ASCC3: variants seen among roughly 807,000 people sequenced by gnomAD.
The protein encoded by ASCC3 is ASC-1 complex subunit P200.
In ASCC3, 158 loss-of-function variants were observed where a neutral mutation model predicts 256.3. That is an observed-to-expected ratio of 0.62 (90% CI 0.54 to 0.70). The LOEUF is 0.70. Ranked by LOEUF, ASCC3 falls within the 30% of genes least tolerant of loss-of-function variation. The pLI is 0.00. For synonymous variants in ASCC3, 948 were observed against 883.4 expected, an observed-to-expected ratio of 1.07 and a Z score of -1.30; for missense variants, 2,259 against 2,626.0, an observed-to-expected ratio of 0.86 and a Z score of 3.05.
At chr6:100,870,051 A>G (rs1170286074) in intron 1 of ASCC3, among the ~76,000 whole-genome samples, 1 of 152,172 alleles carries the variant, frequency 6.6e-6, no homozygotes, top group East Asian at 1.9e-4. Context: ...CATCAAAGTA[A>G]AAGTTTAAAT....
rs1194292149 is a variant in ASCC3, at chr6:100,644,015, A to G, written c.3732+16T>C. On this transcript the variant is annotated intron_variant, in intron 23 of 41. Coordinates refer to ENST00000369162, the MANE Select transcript of ASCC3 (RefSeq NM_006828.4). ...TACAATAGCAAATAAGGATATATTC[A>G]CATATATACACTTACTTGTTTTTTT... is the stretch of plus-strand genomic sequence containing the variant. 6.6e-7 allele frequency: 1 copy of G among 1,507,316 alleles called. No individual in the cohort carries two copies. The highest frequency in any genetic ancestry group is 1.1e-5 in the South Asian group (1 of 88,282). The allele number at this position is 1,507,316 out of a possible 1,614,324, so 93.4% of individuals were successfully genotyped here.
At chr6:100,660,216 G>C (rs1362071323) in intron 16 of ASCC3, among the ~76,000 whole-genome samples, 1 of 151,606 alleles carries the variant, frequency 6.6e-6, no homozygotes, top group Non-Finnish European at 1.5e-5. Flanking sequence ...GAGTTAAATA[G>C]ATCTGAGTTT....
At chr6:100,510,574 A>C (rs1413760760) in intron 40 of ASCC3, among the ~76,000 whole-genome samples, 1 of 152,206 alleles carries the variant, frequency 6.6e-6, no homozygotes, top group Non-Finnish European at 1.5e-5. Context: ...CTGGACCCCA[A>C]GATGATGAGT....
chr6:100,696,184 TTAAATA>T (rs1778072939), intron 13 of ASCC3, among the ~76,000 whole-genome samples: 1 of 152,164 alleles, frequency 6.6e-6, no homozygotes, highest in South Asian at 2.1e-4. Flanking sequence ...TTTTACAATA[TTAAATA>T]TAGACACATA....
rs757835563 is a variant in ASCC3, at chr6:100,725,604, C to A, written c.1837G>T (p.Val613Phe). The change falls in exon 11 of 42, where the codon GTT (valine) becomes TTT (phenylalanine). Residue 613 changes from valine (V) to phenylalanine (F), a missense_variant. By Grantham distance (50) the Val-to-Phe change is conservative (BLOSUM62 -1). This residue lies in a region of ASCC3 where 1,839 missense variants were observed against 2,206.7 expected (regional missense o/e 0.83). Coordinates refer to ENST00000369162, the MANE Select transcript of ASCC3 (RefSeq NM_006828.4). Reference protein sequence around the residue: ...QIVRLLILDEVHLLHEDRGPV... With the variant: ...QIVRLLILDEFHLLHEDRGPV... Reference sequence around the variant, plus strand: ...CCTCTATCTTCATGCAGCAAATGAACTTCATCAAGAATAAGGAGCCTTACA... The same window carrying A: ...CCTCTATCTTCATGCAGCAAATGAAATTCATCAAGAATAAGGAGCCTTACA... 8 of 1,612,724 alleles carry A rather than the reference C, an allele frequency of 5.0e-6. No homozygotes were observed. The highest frequency in any genetic ancestry group is 3.4e-6 in the Non-Finnish European group (4 of 1,179,210).
chr6:100,749,980 TC>T (rs1420250634), intron 10 of ASCC3, among the ~76,000 whole-genome samples: 1 of 151,882 alleles, frequency 6.6e-6, no homozygotes, highest in African/African-American at 2.4e-5. Context: ...TCTCTACAAT[TC>T]CTTTAATTAA....
At chr6:100,655,916 T>A in intron 16 of ASCC3, 98 bp from the exon 17 acceptor site, 1 of 1,364,258 alleles carries the variant, frequency 7.3e-7, no homozygotes, top group Non-Finnish European at 1.0e-6. Flanking sequence ...TAAAAATACA[T>A]CATTATGCAG....
chr6:100,696,879 C>A (rs1436018775), intron 13 of ASCC3, among the ~76,000 whole-genome samples: 3 of 151,952 alleles, frequency 2.0e-5, no homozygotes, highest in Non-Finnish European at 4.4e-5. Context: ...TTTAATTTGA[C>A]AATTATATAT....
chr6:100,651,741 T>C (rs1167135104), intron 18 of ASCC3, 95 bp from the exon 19 acceptor site: 2 of 601,148 alleles, frequency 3.3e-6, no homozygotes, highest in Non-Finnish European at 5.2e-6. Context: ...TAAAAGAAAT[T>C]TGAGCCCTAG....
intron 34 of ASCC3, among the ~76,000 whole-genome samples, chr6:100,599,632 T>A (rs1394475841): frequency 6.6e-6 from 1 of 152,016 alleles, no homozygotes; most frequent in Non-Finnish European, 1.5e-5. Context: ...TGTACTATTT[T>A]TTTTTTTTGC....
intron 13 of ASCC3, among the ~76,000 whole-genome samples, chr6:100,684,082 A>G (rs922331904): frequency 1.3e-5 from 2 of 152,206 alleles, no homozygotes; most frequent in African/African-American, 2.4e-5. Flanking sequence ...ATAATGATTC[A>G]GAAAACTGGA....
At chr6:100,589,884 A>G (rs1407109522) in intron 35 of ASCC3, 64 bp downstream of exon 35, 10 of 1,592,156 alleles carry the variant, frequency 6.3e-6, no homozygotes, top group Non-Finnish European at 8.6e-6. Context: ...TAGTATTAAA[A>G]GCAAAAGACC....
At chr6:100,530,982 C>T in intron 37 of ASCC3, 2 of 1,584,156 alleles carry the variant, frequency 1.3e-6, no homozygotes, top group Non-Finnish European at 1.7e-6. Flanking sequence ...GGAGCATGGC[C>T]TGTTCTTATT....
intron 13 of ASCC3, among the ~76,000 whole-genome samples, chr6:100,684,973 A>T (rs1777499134): frequency 1.3e-5 from 2 of 151,518 alleles, no homozygotes; most frequent in South Asian, 4.2e-4. Context: ...CGCCCGGCTA[A>T]TTTTTTTGTA....
chr6:100,827,875 A>G (rs975421853), intron 4 of ASCC3, among the ~76,000 whole-genome samples: 1 of 151,424 alleles, frequency 6.6e-6, no homozygotes, highest in Non-Finnish European at 1.5e-5. Flanking sequence ...TAATTTAACA[A>G]AATGGATTTT....
intron 4 of ASCC3, among the ~76,000 whole-genome samples, chr6:100,841,340 A>AT (rs1254943016): frequency 1.3e-5 from 2 of 152,054 alleles, no homozygotes; most frequent in African/African-American, 4.8e-5. Context: ...CTTGAGAAAT[A>AT]TTTTTTTAAA....
chr6:100,670,264 C>T (rs540125584), intron 14 of ASCC3, among the ~76,000 whole-genome samples: 1 of 152,034 alleles, frequency 6.6e-6, no homozygotes, highest in Non-Finnish European at 1.5e-5. Flanking sequence ...CTACCCAGTG[C>T]TGGCAAAGTT....
chr6:100,868,137 G>T, intron 1 of ASCC3, 99 bp from the exon 2 acceptor site: 1 of 682,616 alleles, frequency 1.5e-6, no homozygotes. Context: ...GGAAAAAATT[G>T]GTTAAAAAGC....
chr6:100,651,461 ATGTGCC>A, intron 19 of ASCC3, 93 bp downstream of exon 19: 1 of 481,150 alleles, frequency 2.1e-6, no homozygotes. Context: ...TCCAAATGTG[ATGTGCC>A]ATACAGCTTA....
Sources: gnomAD v4.1 joint callset for allele counts (sites outside exome capture counted in the v4.1 genomes callset) on GRCh38, gnomAD v4.1.1 for gene constraint, gnomAD v4.1.1 regional missense constraint, MANE v1.5 for transcripts, NCBI Gene and HGNC (gene_info 2026-07-23, HGNC 2026-07-21) for gene names.